Variants in AFAP1 observed in about 807,000 individuals in gnomAD.
The protein encoded by AFAP1 is actin filament associated protein 1, also known as actin filament-associated protein 1.
Under a neutral mutation model 93.9 loss-of-function variants are expected in AFAP1, and 75 were observed. That is an observed-to-expected ratio of 0.80 (90% CI 0.66 to 0.97). The LOEUF is 0.97. Among genes scored for constraint, AFAP1 ranks in the 50% least tolerant of loss-of-function variants. AFAP1 has a pLI of 0.00. For missense variants in AFAP1, 1,201 were observed against 1,050.8 expected (o/e 1.14, Z -1.98); for synonymous variants, 517 against 430.7 (o/e 1.20, Z -2.48).
intron 3 of AFAP1, among the ~76,000 whole-genome samples, chr4:7,858,665 C>T (rs1379460679): frequency 6.6e-6 from 1 of 152,188 alleles, no homozygotes; most frequent in Admixed American, 6.5e-5. Context: ...ATAAGAGAGT[C>T]TGGCAAAGGG....
chr4:7,853,123 A>C (rs951868289), intron 4 of AFAP1, among the ~76,000 whole-genome samples: 1 of 152,156 alleles, frequency 6.6e-6, no homozygotes, highest in African/African-American at 2.4e-5. Flanking sequence ...TCAGCCTAGC[A>C]AGGCTGGAAT....
chr4:7,809,407 T>G (rs916111335), intron 9 of AFAP1: 6 of 460,436 alleles, frequency 1.3e-5, no homozygotes, highest in African/African-American at 1.2e-4. Flanking sequence ...ACCTTAGAGA[T>G]CATCTAAAAG....
intron 1 of AFAP1, among the ~76,000 whole-genome samples, chr4:7,904,117 A>T (rs1719266824): frequency 1.3e-5 from 2 of 152,098 alleles, no homozygotes. Flanking sequence ...ATTGTCTATA[A>T]ATAGCACAAA....
intron 6 of AFAP1, among the ~76,000 whole-genome samples, chr4:7,824,442 C>CACAG (rs923234058): frequency 2.0e-5 from 3 of 151,376 alleles, no homozygotes; most frequent in Admixed American, 2.0e-4. Flanking sequence ...CACACACACA[C>CACAG]AGAGACAGTC....
intron 10 of AFAP1, 25 bp from the exon 11 acceptor site, chr4:7,793,851 G>T (rs774955431): frequency 6.7e-6 from 10 of 1,501,314 alleles, no homozygotes; most frequent in Non-Finnish European, 9.0e-6. Context: ...AAAAAGGTAG[G>T]CTGTATTTAA....
intron 1 of AFAP1, among the ~76,000 whole-genome samples, chr4:7,907,640 C>T (rs193254873): frequency 2.6e-5 from 4 of 152,138 alleles, no homozygotes; most frequent in South Asian, 2.1e-4. Flanking sequence ...TGAGCGCTGA[C>T]GTGACGCCCA....
chr4:7,847,649 A>T (rs1713875255), intron 4 of AFAP1, among the ~76,000 whole-genome samples: 1 of 152,228 alleles, frequency 6.6e-6, no homozygotes, highest in Non-Finnish European at 1.5e-5. Context: ...TTACATTAAG[A>T]GGTCATAAAC....
chr4:7,861,242 C>A (rs1470332163), intron 3 of AFAP1, among the ~76,000 whole-genome samples: 1 of 152,196 alleles, frequency 6.6e-6, no homozygotes, highest in East Asian at 1.9e-4. Flanking sequence ...CACATATTGG[C>A]GAAACCCTTT....
chr4:7,834,267 A>G (rs1712006031), intron 6 of AFAP1, among the ~76,000 whole-genome samples: 2 of 152,344 alleles, frequency 1.3e-5, no homozygotes, highest in East Asian at 1.9e-4. Flanking sequence ...GTTCTCACTC[A>G]TAAGTGGGAG....
At chr4:7,779,006 T>C in intron 13 of AFAP1, 130 bp from the exon 14 acceptor site, 1 of 707,930 alleles carries the variant, frequency 1.4e-6, no homozygotes, top group East Asian at 2.7e-5. Context: ...GGAGGAAAAA[T>C]CGAAAGTGAA....
intron 6 of AFAP1, 47 bp from the exon 7 acceptor site, chr4:7,819,218 A>C (rs1020912135): frequency 1.3e-6 from 2 of 1,530,418 alleles, no homozygotes. Context: ...AGGCAGAGAT[A>C]CTTAAAGGCT....
intron 3 of AFAP1, among the ~76,000 whole-genome samples, chr4:7,858,430 A>G (rs1476644770): frequency 6.6e-6 from 1 of 152,208 alleles, no homozygotes; most frequent in East Asian, 1.9e-4. Flanking sequence ...TATCCTTGAA[A>G]TCGGCCACAG....
At chr4:7,927,580 T>C (rs531287302) in intron 1 of AFAP1, among the ~76,000 whole-genome samples, 146 of 152,198 alleles carry the variant, frequency 9.6e-4, no homozygotes, top group African/African-American at 3.4e-3. Flanking sequence ...ATTCCAAAAC[T>C]TTGGGAGGCC....
rs780039282 is a variant in AFAP1 at position 7,774,762 on chromosome 4, C to T, written c.2039G>A (p.Arg680Gln). 1.9e-5 allele frequency: 31 copies of T among 1,614,092 alleles called. No individual in the cohort carries two copies. The East Asian group carries it at 5.6e-4, about 29-fold the overall frequency. The part of the protein sequence containing the change: ...AQLRKERKDL[R>Q]AAIEVNAGRK... ...ACCGGCGTTCACTTCAATAGCCGCT[C>T]GAAGGTCTTTTCTTTCCTTGCGGAG... Residue 680 changes from arginine to glutamine, a missense_variant, in exon 15 of 18, where the codon CGA becomes CAA. Coordinates refer to ENST00000420658, the MANE Select transcript of AFAP1 (RefSeq NM_001134647.2).
At chr4:7,787,038 G>A (rs1033331793) in intron 11 of AFAP1, among the ~76,000 whole-genome samples, 1 of 152,218 alleles carries the variant, frequency 6.6e-6, no homozygotes, top group South Asian at 2.1e-4. Context: ...CTACTGTGGC[G>A]TAATAAATAT....
intron 6 of AFAP1, among the ~76,000 whole-genome samples, chr4:7,827,008 T>A (rs1010009841): frequency 2.0e-5 from 3 of 151,658 alleles, no homozygotes; most frequent in Non-Finnish European, 4.4e-5. Context: ...GCAGGCGACA[T>A]AAAGAGATGG....
At chr4:7,816,247 C>A in intron 7 of AFAP1, 148 bp from the exon 8 acceptor site, 2 of 618,350 alleles carry the variant, frequency 3.2e-6, no homozygotes, top group African/African-American at 1.8e-5. Context: ...TTAACTATAA[C>A]AAAGACTGGC....
chr4:7,772,793 TCC>T (rs772877660), intron 16 of AFAP1, 25 bp downstream of exon 16: 9 of 1,606,810 alleles, frequency 5.6e-6, no homozygotes, highest in Non-Finnish European at 6.8e-6. Flanking sequence ...CGCGCCAGCC[TCC>T]GAGGTGAGCC....
At chr4:7,923,959 ACAAC>A (rs1445061115) in intron 1 of AFAP1, among the ~76,000 whole-genome samples, 1 of 152,228 alleles carries the variant, frequency 6.6e-6, no homozygotes, top group Non-Finnish European at 1.5e-5. Flanking sequence ...TGTTAAACAA[ACAAC>A]CAAATGAGCA....
Sources: gnomAD v4.1 joint callset for allele counts (sites outside exome capture counted in the v4.1 genomes callset) on GRCh38, gnomAD v4.1.1 for gene constraint, MANE v1.5 for transcripts, NCBI Gene and HGNC (gene_info 2026-07-23, HGNC 2026-07-21) for gene names.